The following ZNF385D variants were observed in gnomAD, a reference collection of about 807,000 sequenced individuals.
The protein encoded by ZNF385D is zinc finger protein 385D.
ZNF385D carries 15 observed loss-of-function variants against 35.8 expected under a neutral mutation model. That is an observed-to-expected ratio of 0.42 (90% CI 0.28 to 0.64). ZNF385D has a LOEUF of 0.64. ZNF385D is among the 30% of genes least tolerant of loss of function. ZNF385D has a pLI of 0.23. For missense variants in ZNF385D, 474 were observed against 494.6 expected (o/e 0.96, Z 0.39); for synonymous variants, 212 against 186.8 (o/e 1.13, Z -1.10).
chr3:22,010,420 T>C (rs1036692601), intron 3 of ZNF385D, among the ~76,000 whole-genome samples: 1 of 152,212 alleles, frequency 6.6e-6, no homozygotes, highest in South Asian at 2.1e-4. Flanking sequence ...GATGAATTAT[T>C]TACTCCCAAT....
chr3:21,463,237 G>A (rs1703294352), intron 4 of ZNF385D, among the ~76,000 whole-genome samples: 1 of 151,684 alleles, frequency 6.6e-6, no homozygotes, highest in Non-Finnish European at 1.5e-5. Flanking sequence ...TCAATAGCAT[G>A]AAACAGATAC....
intron 1 of ZNF385D, among the ~76,000 whole-genome samples, chr3:21,678,059 A>G (rs1198839703): frequency 6.6e-6 from 1 of 152,048 alleles, no homozygotes; most frequent in Non-Finnish European, 1.5e-5. Flanking sequence ...ACATACCAGT[A>G]TCTAATCCAG....
chr3:22,204,808 TCA>T (rs1697036156), intron 2 of ZNF385D, among the ~76,000 whole-genome samples: 1 of 151,136 alleles, frequency 6.6e-6, no homozygotes, highest in Non-Finnish European at 1.5e-5. Flanking sequence ...ATTTGAAAAC[TCA>T]CAGTCACAGG....
In ZNF385D at chr3:22,343,802, A is replaced by G. The variant is rs111649937; in HGVS notation, c.106+28648T>C. On this transcript the variant is annotated intron_variant, in intron 2 of 5. Coordinates refer to the ZNF385D transcript ENST00000494108. Reference sequence around the variant, plus strand: ...ATTTTTTTCTTTTTATCAGAAAACAATATCACATTCAGTGCCCCTTGTACA... The same window carrying G: ...ATTTTTTTCTTTTTATCAGAAAACAGTATCACATTCAGTGCCCCTTGTACA... Among the ~76,000 whole-genome samples, 1,424 of 152,334 alleles carry G rather than the reference A, an allele frequency of 9.3e-3. 22 individuals carry two copies. Among genetic ancestry groups the G allele is most frequent in the African/African-American group, 0.032 (1,326 of 41,566 alleles).
intron 5 of ZNF385D, 190 bp downstream of exon 5, chr3:21,436,780 G>A: frequency 1.7e-6 from 1 of 600,498 alleles, no homozygotes; most frequent in Non-Finnish European, 2.9e-6. Context: ...TTCGAGCCCT[G>A]GAAACCACCC....
chr3:21,708,453 C>G (rs188840936), intron 1 of ZNF385D, among the ~76,000 whole-genome samples: 10 of 152,320 alleles, frequency 6.6e-5, no homozygotes, highest in Admixed American at 6.5e-4. Context: ...TGCCACTGCT[C>G]TGAACTGTTA....
At chr3:21,872,926 A>G (rs1697768160) in intron 3 of ZNF385D, among the ~76,000 whole-genome samples, 2 of 152,114 alleles carry the variant, frequency 1.3e-5, no homozygotes, top group South Asian at 2.1e-4. Context: ...TTATAGTTCA[A>G]TGGCTTTGGT....
rs970174970 is a variant in ZNF385D at position 21,462,484 on chromosome 3, C to T, written c.440-25281G>A. The stretch of plus-strand genomic sequence containing the variant: ...AATAGGTAGGCAGGTAGGTAAATAC[C>T]TTGATACCATTTTAAGGGTAAAAGT... On this transcript the variant is annotated intron_variant, in intron 4 of 7. Transcript: ENST00000281523. Among the ~76,000 whole-genome samples the T allele has an allele frequency of 1.5e-4, 23 of 152,026 alleles. 1 individual carries two copies. The highest frequency in any genetic ancestry group is 3.2e-4 in the Non-Finnish European group (22 of 68,014).
rs1575588190 is a variant in ZNF385D, at chr3:21,750,884, T to C, written c.22+11A>G. 6.2e-7 allele frequency: 1 copy of C among 1,614,028 alleles called. No individual in the cohort carries two copies. The highest frequency in any genetic ancestry group is 8.5e-7 in the Non-Finnish European group (1 of 1,179,990). ...CACCCCCAGAATTACATCATCAGAGTGAACACTCACCAAAATACATTATGT... is the reference window on the plus strand; with the variant it reads ...CACCCCCAGAATTACATCATCAGAGCGAACACTCACCAAAATACATTATGT... On this transcript the variant is annotated intron_variant, in intron 1 of 7. Coordinates refer to ENST00000281523, the MANE Select transcript of ZNF385D (RefSeq NM_024697.3).
At chr3:22,030,143 G>A (rs909672804) in intron 3 of ZNF385D, among the ~76,000 whole-genome samples, 7 of 150,530 alleles carry the variant, frequency 4.7e-5, no homozygotes, top group Non-Finnish European at 8.9e-5. Flanking sequence ...TTGAACATCA[G>A]ACTCCAAGTT....
At chr3:21,584,342 C>T (rs2063752009) in intron 2 of ZNF385D, among the ~76,000 whole-genome samples, 1 of 152,138 alleles carries the variant, frequency 6.6e-6, no homozygotes, top group Non-Finnish European at 1.5e-5. Context: ...AACTGCAACT[C>T]ATTGTTCCAG....
chr3:22,136,153 G>A (rs1704086069), intron 3 of ZNF385D, among the ~76,000 whole-genome samples: 1 of 152,192 alleles, frequency 6.6e-6, no homozygotes, highest in African/African-American at 2.4e-5. Context: ...GGAGGCCAAG[G>A]CGGATGGATC....
chr3:21,694,820 A>C (rs1016824094), intron 1 of ZNF385D, among the ~76,000 whole-genome samples: 3 of 152,060 alleles, frequency 2.0e-5, no homozygotes, highest in African/African-American at 7.3e-5. Context: ...CGGGCCAGTT[A>C]TTTAACTTCA....
intron 3 of ZNF385D, among the ~76,000 whole-genome samples, chr3:21,763,473 T>G (rs372870064): frequency 6.6e-6 from 1 of 152,132 alleles, no homozygotes; most frequent in African/African-American, 2.4e-5. Flanking sequence ...TACATCAGCT[T>G]TGAGAAACTT....
intron 2 of ZNF385D, among the ~76,000 whole-genome samples, chr3:22,349,231 C>G (rs1482768384): frequency 6.6e-6 from 1 of 152,116 alleles, no homozygotes; most frequent in African/African-American, 2.4e-5. Flanking sequence ...AATAAACAAG[C>G]AAATACATGT....
At chr3:22,019,779 G>A (rs191925990) in intron 3 of ZNF385D, among the ~76,000 whole-genome samples, 81 of 151,826 alleles carry the variant, frequency 5.3e-4, no homozygotes, top group Admixed American at 2.0e-3. Context: ...GGGAACTGGG[G>A]AAAAATAAAA....
intron 2 of ZNF385D, among the ~76,000 whole-genome samples, chr3:22,275,343 T>C (rs1341512556): frequency 6.6e-6 from 1 of 152,140 alleles, no homozygotes; most frequent in African/African-American, 2.4e-5. Context: ...AGCAGGAAGA[T>C]AATGGCTGCT....
intron 3 of ZNF385D, among the ~76,000 whole-genome samples, chr3:21,825,365 C>T (rs1387228705): frequency 1.3e-5 from 2 of 152,138 alleles, no homozygotes; most frequent in Admixed American, 6.5e-5. Context: ...TTGTATTCCT[C>T]TCAAATTACT....
At chr3:21,457,597 A>C (rs1360663438) in intron 4 of ZNF385D, among the ~76,000 whole-genome samples, 4 of 151,938 alleles carry the variant, frequency 2.6e-5, no homozygotes, top group Non-Finnish European at 5.9e-5. Flanking sequence ...CTCGTGATCC[A>C]CCTGCCTTGG....
Sources: allele counts gnomAD v4.1 joint callset (sites outside exome capture counted in the v4.1 genomes callset), GRCh38; gene constraint gnomAD v4.1.1; transcripts MANE v1.5; gene names NCBI Gene and HGNC (gene_info 2026-07-23, HGNC 2026-07-21).